The following HECTD4 variants were observed in gnomAD, a reference collection of about 807,000 sequenced individuals.
The protein encoded by HECTD4 is probable E3 ubiquitin-protein ligase HECTD4.
A neutral mutation model predicts 471.5 loss-of-function variants in HECTD4; 114 were observed. The observed-to-expected ratio is 0.24, with a 90% confidence interval of 0.21 to 0.28. The LOEUF is 0.28. Ranked by LOEUF, HECTD4 falls within the 10% of genes least tolerant of loss-of-function variation. HECTD4 has a pLI of 1.00. For missense variants in HECTD4, 3,866 were observed against 5,651.5 expected, an observed-to-expected ratio of 0.68 and a Z score of 10.13; for synonymous variants, 2,012 against 2,256.0, an observed-to-expected ratio of 0.89 and a Z score of 3.07.
rs747799068 is a variant in HECTD4 at position 112,175,818 on chromosome 12, A to G, written c.11512T>C (p.Phe3838Leu). Residue 3838 changes from phenylalanine (F) to leucine (L), a missense_variant, in exon 66 of 76, where the codon TTT becomes CTT. Around this residue, in one of 16 missense-constraint regions of HECTD4, gnomAD observed 715 missense variants for 1,087.6 expected, o/e 0.66. Coordinates refer to ENST00000682272, the MANE Select transcript of HECTD4 (RefSeq NM_001388303.1). ...KYLTLEGFHK[F>L]VIDRARQDIR... ...TCTTGCCTGGCTCGGTCAATAACAA[A>G]TTTGTGAAATCCTTCCAGCGTCAGG... 6.2e-7 allele frequency: 1 copy of G among 1,613,698 alleles called. No individual in the cohort carries two copies. Among genetic ancestry groups the G allele is most frequent in the Non-Finnish European group, 8.5e-7 (1 of 1,179,768 alleles).
chr12:112,366,353 T>A (rs547130160), intron 1 of HECTD4, among the ~76,000 whole-genome samples: 82 of 150,992 alleles, frequency 5.4e-4, no homozygotes, highest in South Asian at 1.7e-3. Flanking sequence ...TACAAAAAAA[T>A]TTTTTTTAAA....
intron 55 of HECTD4, 49 bp downstream of exon 55, chr12:112,200,589 G>A (rs368510287): frequency 1.1e-5 from 17 of 1,575,104 alleles, no homozygotes; most frequent in Non-Finnish European, 1.3e-5. Flanking sequence ...GTGGTAGAGC[G>A]AAGTTGGTGG....
Position 112,248,505 on chromosome 12 carries a change from T to C in HECTD4, c.3958A>G (p.Ile1320Val), listed in dbSNP as rs1340422429. ...ATTTCCTCCATCACGTCTGGCTGAA[T>C]CACTTCTCTGTGATCACAATGGAAA... ...PQFRPSIKEVIQPDVMEEMVV... is the reference protein window; with the variant it reads ...PQFRPSIKEVVQPDVMEEMVV... Residue 1320 changes from isoleucine to valine, a missense_variant, in exon 26 of 76, where the codon ATT (isoleucine) becomes GTT (valine). By Grantham distance (29) the Ile-to-Val change is conservative (BLOSUM62 3). This residue lies in a region of HECTD4 where 281 missense variants were observed against 499.9 expected (regional missense o/e 0.56). Transcript: ENST00000682272. 2.6e-5 allele frequency: 41 copies of C among 1,600,722 alleles called. No homozygotes were observed. The highest frequency in any genetic ancestry group is 3.2e-5 in the Non-Finnish European group (37 of 1,174,162).
chr12:112,291,511 G>T (rs2135658357), intron 7 of HECTD4, among the ~76,000 whole-genome samples: 1 of 152,108 alleles, frequency 6.6e-6, no homozygotes, highest in Non-Finnish European at 1.5e-5. Flanking sequence ...TGAGGTGGGA[G>T]GGTCACTTGA....
intron 12 of HECTD4, 58 bp downstream of exon 12, chr12:112,270,169 C>G: frequency 6.8e-7 from 1 of 1,479,336 alleles, no homozygotes; most frequent in Non-Finnish European, 9.4e-7. Context: ...CTGGCTGAAG[C>G]CAAGGTTTGC....
chr12:112,190,061 G>A (rs917767933), intron 60 of HECTD4, among the ~76,000 whole-genome samples: 2 of 152,168 alleles, frequency 1.3e-5, no homozygotes, highest in African/African-American at 4.8e-5. Flanking sequence ...GCCCGAGTGT[G>A]CAATGTTTTC....
intron 32 of HECTD4, among the ~76,000 whole-genome samples, chr12:112,242,600 C>T (rs568116052): frequency 5.7e-5 from 8 of 139,758 alleles, no homozygotes; most frequent in South Asian, 2.3e-4. Flanking sequence ...GGTGACAGAA[C>T]GAGAATCTGC....
chr12:112,196,619 C>T (rs768163717), intron 55 of HECTD4, among the ~76,000 whole-genome samples: 1 of 152,100 alleles, frequency 6.6e-6, no homozygotes, highest in Non-Finnish European at 1.5e-5. Flanking sequence ...TTTTTTGAGA[C>T]AGGCCCTGTT....
At chr12:112,198,344 G>A (rs2032311255) in intron 55 of HECTD4, among the ~76,000 whole-genome samples, 2 of 152,188 alleles carry the variant, frequency 1.3e-5, no homozygotes, top group African/African-American at 2.4e-5. Context: ...CATCCCTAAG[G>A]AAGCAACACA....
chr12:112,355,287 C>CAA (rs1310033896), intron 1 of HECTD4, among the ~76,000 whole-genome samples: 3,880 of 111,004 alleles, frequency 0.035, 189 homozygotes, highest in South Asian at 0.19. Context: ...AAATGGGATT[C>CAA]AAAAAAAAAA....
chr12:112,320,473 G>A (rs1397003227), intron 1 of HECTD4, among the ~76,000 whole-genome samples: 1 of 152,110 alleles, frequency 6.6e-6, no homozygotes, highest in Non-Finnish European at 1.5e-5. Context: ...GCAGAGGCGG[G>A]CAGATCATGA....
At position 112,179,155 on chromosome 12, in the gene HECTD4, G is replaced by A. The variant is rs2031572748; in HGVS notation, c.11211+19C>T. On this transcript the variant is annotated intron_variant, in intron 63 of 75. Transcript: ENST00000682272. The surrounding 1 kb of genome is among the most constrained non-coding windows in gnomAD (Gnocchi z 4.3). ...GGCACCCAAGGCCCGGCCTGGGTAT[G>A]GTGGGGACGGGCAGCTACCTGGGTG... The A allele has an allele frequency of 1.2e-6, 2 of 1,613,408 alleles. No homozygotes were observed. Among genetic ancestry groups the A allele is most frequent in the Admixed American group, 1.7e-5 (1 of 59,930 alleles).
intron 1 of HECTD4, among the ~76,000 whole-genome samples, chr12:112,360,843 G>T (rs2036434971): frequency 6.6e-6 from 1 of 152,024 alleles, no homozygotes; most frequent in African/African-American, 2.4e-5. Context: ...AATTAGCCAG[G>T]CATGGTGGCG....
chr12:112,187,572 C>T (rs553848888), intron 60 of HECTD4, among the ~76,000 whole-genome samples: 1 of 149,310 alleles, frequency 6.7e-6, no homozygotes, highest in South Asian at 2.1e-4. Flanking sequence ...TTAGTTATGC[C>T]AATGGATACT....
intron 7 of HECTD4, among the ~76,000 whole-genome samples, chr12:112,287,863 T>G (rs2034789656): frequency 1.3e-5 from 2 of 152,212 alleles, no homozygotes; most frequent in Admixed American, 1.3e-4. Context: ...TTTTGTAGTC[T>G]TAAAGACCAG....
intron 1 of HECTD4, among the ~76,000 whole-genome samples, chr12:112,331,611 T>C (rs916500726): frequency 5.3e-5 from 8 of 152,210 alleles, no homozygotes; most frequent in African/African-American, 1.4e-4. Context: ...TCTGAAAAAG[T>C]TGAAATTGCT....
rs1218301815 is a variant in HECTD4 at position 112,228,631 on chromosome 12, T to G, written c.6684+16A>C. The G allele has an allele frequency of 1.3e-6, 2 of 1,595,004 alleles. No homozygotes were observed. Among genetic ancestry groups the G allele is most frequent in the East Asian group, 4.5e-5 (2 of 44,708 alleles). On this transcript the variant is annotated intron_variant, in intron 42 of 75. Coordinates refer to ENST00000682272, the MANE Select transcript of HECTD4 (RefSeq NM_001388303.1). The surrounding 1 kb of genome is among the most constrained non-coding windows in gnomAD (Gnocchi z 4.9). ...CATTGGCAGACATTTTACAAAGCAT[T>G]TAAAAATCACCTTACCTCTGATCTT...
chr12:112,340,329 A>T (rs1209597441), intron 1 of HECTD4, among the ~76,000 whole-genome samples: 1 of 152,152 alleles, frequency 6.6e-6, no homozygotes. Context: ...AGTGCTTCAC[A>T]TTTTTAGAAA....
chr12:112,296,202 T>C (rs1440896485), intron 7 of HECTD4, among the ~76,000 whole-genome samples: 1 of 137,294 alleles, frequency 7.3e-6, no homozygotes, highest in Non-Finnish European at 1.5e-5. Flanking sequence ...TCAGTGGATG[T>C]AGGTGCAGAC....
Sources: allele counts gnomAD v4.1 joint callset (sites outside exome capture counted in the v4.1 genomes callset), GRCh38; gene constraint gnomAD v4.1.1; regional missense constraint gnomAD v4.1.1; non-coding constraint Gnocchi (gnomAD v3.1); transcripts MANE v1.5; gene names NCBI Gene and HGNC (gene_info 2026-07-23, HGNC 2026-07-21).